Variants in MGMT observed in about 807,000 individuals in gnomAD.
MGMT encodes the protein methylated-DNA--protein-cysteine methyltransferase.
Under a neutral mutation model 15.9 loss-of-function variants are expected in MGMT, and 14 were observed. The observed-to-expected ratio is 0.88, with a 90% CI of 0.58 to 1.37. The LOEUF (loss-of-function observed/expected upper bound fraction) is 1.37, where lower values mean the gene tolerates loss of function less well. Ranked by LOEUF, MGMT falls within the 40% of genes most tolerant of loss-of-function variation. The pLI is 0.00. For synonymous variants in MGMT, 130 were observed against 118.2 expected (o/e 1.10, Z -0.65); for missense variants, 282 against 268.1 (o/e 1.05, Z -0.36).
At chr10:129,523,520 T>C (rs1465508994) in intron 1 of MGMT, among the ~76,000 whole-genome samples, 3 of 152,168 alleles carry the variant, frequency 2.0e-5, no homozygotes, top group African/African-American at 7.2e-5. Flanking sequence ...AAGAGATTCA[T>C]AGGCGGGTCT....
intron 1 of MGMT, among the ~76,000 whole-genome samples, chr10:129,469,714 T>C (rs1013086699): frequency 2.0e-5 from 3 of 152,184 alleles, no homozygotes; most frequent in Admixed American, 6.5e-5. Context: ...AATATTATTT[T>C]ATTATTTTTA....
intron 3 of MGMT, among the ~76,000 whole-genome samples, chr10:129,716,610 G>A (rs1253112394): frequency 1.3e-5 from 2 of 152,168 alleles, no homozygotes; most frequent in Non-Finnish European, 2.9e-5. Context: ...ACTTTTCATA[G>A]AAAATTCGCG....
chr10:129,745,557 G>C (rs2133175481), intron 3 of MGMT, among the ~76,000 whole-genome samples: 1 of 152,358 alleles, frequency 6.6e-6, no homozygotes, highest in African/African-American at 2.4e-5. Context: ...ATTCATCCAA[G>C]TTGTTGCATG....
chr10:129,489,163 A>G (rs1249261635), intron 1 of MGMT, among the ~76,000 whole-genome samples: 1 of 152,050 alleles, frequency 6.6e-6, no homozygotes, highest in Non-Finnish European at 1.5e-5. Flanking sequence ...GTTTGAGACC[A>G]GTCTAGCCAA....
At chr10:129,517,214 A>T (rs2119712442) in intron 1 of MGMT, among the ~76,000 whole-genome samples, 1 of 152,328 alleles carries the variant, frequency 6.6e-6, no homozygotes, top group East Asian at 1.9e-4. Flanking sequence ...AGCGAGGGGC[A>T]GTCTTCTGAA....
chr10:129,525,645 C>G (rs1208833543), intron 1 of MGMT, among the ~76,000 whole-genome samples: 2 of 152,100 alleles, frequency 1.3e-5, no homozygotes, highest in Admixed American at 6.5e-5. Flanking sequence ...GCTCCGATGA[C>G]AGTAATAAAA....
intron 3 of MGMT, among the ~76,000 whole-genome samples, chr10:129,729,811 G>A (rs1046742752): frequency 5.9e-5 from 9 of 152,182 alleles, no homozygotes; most frequent in Non-Finnish European, 1.3e-4. Context: ...GCAGCAGCAC[G>A]ATGATCAATG....
At chr10:129,603,496 A>AT (rs1279251136) in intron 2 of MGMT, among the ~76,000 whole-genome samples, 9 of 152,182 alleles carry the variant, frequency 5.9e-5, no homozygotes, top group African/African-American at 2.2e-4. Flanking sequence ...CATCAACAAC[A>AT]TTGCTGTCTT....
intron 1 of MGMT, among the ~76,000 whole-genome samples, chr10:129,523,563 C>T (rs542486723): frequency 9.2e-5 from 14 of 152,248 alleles, no homozygotes; most frequent in Admixed American, 4.6e-4. Context: ...GCCGGGCTGC[C>T]GACGTGGACG....
Position 129,756,098 on chromosome 10 carries a change from C to A in MGMT, c.275-3104C>A, listed in dbSNP as rs756319784. Reference sequence around the variant, plus strand: ...AGCATGAGAAAAGGGCATCCAGACCCTTGGCGGAGGATGCACAATGCAGGC... The same window carrying A: ...AGCATGAGAAAAGGGCATCCAGACCATTGGCGGAGGATGCACAATGCAGGC... On this transcript the variant is annotated intron_variant, in intron 3 of 4. Coordinates refer to ENST00000651593, the MANE Select transcript of MGMT (RefSeq NM_002412.5). 2.0e-5 allele frequency among the ~76,000 whole-genome samples: 3 copies of A among 152,252 alleles called. 1 individual carries two copies. In the South Asian group the frequency reaches 6.2e-4, roughly 31 times the overall value.
At chr10:129,717,622 T>G (rs1445965161) in intron 3 of MGMT, 1 of 152,222 alleles carries the variant, frequency 6.6e-6, no homozygotes, top group Non-Finnish European at 1.5e-5. Context: ...AGTGCTTCCC[T>G]GCAGCAGATA....
chr10:129,610,914 T>A (rs117247615), intron 2 of MGMT, among the ~76,000 whole-genome samples: 3,947 of 152,298 alleles, frequency 0.026, 80 homozygotes, highest in South Asian at 0.064. Flanking sequence ...TAGCACAAAG[T>A]ATGTTCTCGT....
intron 3 of MGMT, among the ~76,000 whole-genome samples, chr10:129,731,236 T>C (rs142803356): frequency 7.3e-6 from 1 of 136,650 alleles, no homozygotes; most frequent in African/African-American, 2.8e-5. Context: ...GGGCTTAAAT[T>C]AACCCTTCAG....
Position 129,767,004 on chromosome 10 carries a change from G to A in MGMT, c.*7G>A, listed in dbSNP as rs771718932. ...GCCTGCTGGCCGAAACTGAGTATGTGCAGTAGGATGGATGTTTGAGCGACA... is the reference window on the plus strand; with the variant it reads ...GCCTGCTGGCCGAAACTGAGTATGTACAGTAGGATGGATGTTTGAGCGACA... On this transcript the variant is annotated 3_prime_UTR_variant, in exon 5 of 5. Transcript: ENST00000651593. The A allele has an allele frequency of 3.8e-6, 6 of 1,581,236 alleles. No individual in the cohort carries two copies. Among genetic ancestry groups the A allele is most frequent in the Non-Finnish European group, 5.2e-6 (6 of 1,163,168 alleles).
intron 4 of MGMT, among the ~76,000 whole-genome samples, chr10:129,759,815 T>C (rs1225334443): frequency 2.0e-5 from 3 of 152,080 alleles, no homozygotes; most frequent in Non-Finnish European, 4.4e-5. Flanking sequence ...CTCTGTGGGC[T>C]GCACTCCCCC....
intron 4 of MGMT, among the ~76,000 whole-genome samples, chr10:129,765,563 G>C (rs115337078): frequency 6.6e-6 from 1 of 152,220 alleles, no homozygotes; most frequent in East Asian, 1.9e-4. Context: ...ATTGAAGGCA[G>C]GGGGTGGGGG....
At chr10:129,684,444 C>T (rs1018574127) in intron 2 of MGMT, among the ~76,000 whole-genome samples, 24 of 152,156 alleles carry the variant, frequency 1.6e-4, no homozygotes, top group African/African-American at 5.3e-4. Flanking sequence ...CTTGTATGTG[C>T]GTGAGACCAA....
At chr10:129,702,956 G>A (rs1175137863) in intron 2 of MGMT, among the ~76,000 whole-genome samples, 3 of 152,312 alleles carry the variant, frequency 2.0e-5, no homozygotes, top group Non-Finnish European at 2.9e-5. Flanking sequence ...TTCCAGGGCC[G>A]AGCGCGGCAG....
chr10:129,511,261 G>A (rs1202298861), intron 1 of MGMT, among the ~76,000 whole-genome samples: 10 of 146,502 alleles, frequency 6.8e-5, no homozygotes, highest in African/African-American at 2.6e-4. Context: ...CCAGACACAG[G>A]CACATTCTTC....
Sources: gnomAD v4.1 joint callset for allele counts (sites outside exome capture counted in the v4.1 genomes callset) on GRCh38, gnomAD v4.1.1 for gene constraint, MANE v1.5 for transcripts, NCBI Gene and HGNC (gene_info 2026-07-23, HGNC 2026-07-21) for gene names.